Variants in MCC observed in about 807,000 individuals in gnomAD.
MCC encodes MCC regulator of Wnt signaling pathway.
In MCC, 90 loss-of-function variants were observed where a neutral mutation model predicts 116.2. The observed-to-expected ratio is 0.77, with a 90% CI of 0.65 to 0.92. The LOEUF (loss-of-function observed/expected upper bound fraction) is 0.92, where lower values mean the gene tolerates loss of function less well. MCC is among the 40% of genes least tolerant of loss of function. The pLI, the probability that MCC is intolerant of heterozygous loss-of-function variation, is 0.00. For synonymous variants in MCC, 578 were observed against 510.5 expected (o/e 1.13, Z -1.78); for missense variants, 1,516 against 1,312.2 (o/e 1.16, Z -2.40).
intron 6 of MCC, among the ~76,000 whole-genome samples, chr5:113,104,868 A>G (rs948104711): frequency 1.3e-5 from 2 of 152,222 alleles, no homozygotes; most frequent in Non-Finnish European, 2.9e-5. Context: ...AATATGCTCC[A>G]CTGTTGCAAT....
At chr5:113,474,547 T>C (rs1772184075) in intron 1 of MCC, among the ~76,000 whole-genome samples, 1 of 151,740 alleles carries the variant, frequency 6.6e-6, no homozygotes, top group Non-Finnish European at 1.5e-5. Context: ...CTAGAAGGAG[T>C]CTGAACTTAT....
rs140729403 is a variant in MCC at position 113,329,760 on chromosome 5, G to A, written c.627+10759C>T. ...ATCCATTATACTATCCAACTGCAAT[G>A]GAACTTCTCTCCTCCCTACCCCATC... On this transcript the variant is annotated intron_variant, in intron 3 of 18. Coordinates refer to ENST00000408903, the MANE Select transcript of MCC (RefSeq NM_001085377.2). 2.1e-3 allele frequency among the ~76,000 whole-genome samples: 315 copies of A among 152,168 alleles called. 2 individuals are homozygous for A. The highest frequency in any genetic ancestry group is 7.2e-3 in the African/African-American group (300 of 41,506).
intron 5 of MCC, among the ~76,000 whole-genome samples, chr5:113,124,743 G>A (rs1227867408): frequency 1.3e-5 from 2 of 152,194 alleles, no homozygotes; most frequent in Non-Finnish European, 2.9e-5. Flanking sequence ...TTAAGCAGTA[G>A]GTTTTCTGTG....
At chr5:113,330,688 G>A (rs1767677753) in intron 3 of MCC, among the ~76,000 whole-genome samples, 1 of 152,160 alleles carries the variant, frequency 6.6e-6, no homozygotes, top group East Asian at 1.9e-4. Context: ...AAAAGGAAAG[G>A]CAAAGAAATG....
At chr5:113,433,475 G>A (rs1032918057) in intron 1 of MCC, 9 of 615,100 alleles carry the variant, frequency 1.5e-5, no homozygotes, top group Non-Finnish European at 2.6e-5. Flanking sequence ...GACAGGCTCT[G>A]TGTCCAGCAC....
At chr5:113,059,147 A>AG (rs5870529) in intron 14 of MCC, among the ~76,000 whole-genome samples, 13 of 140,394 alleles carry the variant, frequency 9.3e-5, no homozygotes, top group African/African-American at 2.0e-4. Context: ...GAAGGAAATA[A>AG]AAAAAAAAAA....
intron 11 of MCC, among the ~76,000 whole-genome samples, chr5:113,072,596 T>C (rs1754115132): frequency 6.6e-6 from 1 of 152,116 alleles, no homozygotes; most frequent in Non-Finnish European, 1.5e-5. Flanking sequence ...CCATGGTGGG[T>C]CTCTGCTGGT....
At chr5:113,112,875 A>C (rs2150262933) in intron 6 of MCC, among the ~76,000 whole-genome samples, 1 of 152,372 alleles carries the variant, frequency 6.6e-6, no homozygotes, top group Middle Eastern at 3.4e-3. Context: ...TTGTTAATCC[A>C]GTGTCAAATT....
Position 113,434,805 on chromosome 5 carries a change from T to A in MCC, c.171-49593A>T, listed in dbSNP as rs768799103. On this transcript the variant is annotated intron_variant, in intron 1 of 18. Transcript: ENST00000408903. The surrounding 1 kb of genome is among the most constrained non-coding windows in gnomAD (Gnocchi z 4.2). ...CTCTCCTAAATTTATCCCCAGGAGG[T>A]AGCCTCGTCGCTTGAGGACAGCAGC... is the stretch of plus-strand genomic sequence containing the variant. 6.2e-7 allele frequency: 1 copy of A among 1,612,564 alleles called. No individual in the cohort carries two copies. Among genetic ancestry groups the A allele is most frequent in the Admixed American group, 1.7e-5 (1 of 59,996 alleles).
At position 113,254,587 on chromosome 5, in the gene MCC, A is replaced by G. The variant is rs1305645603; in HGVS notation, c.627+85932T>C. ...TCACAGCCCATACGTAAAGCAAACA[A>G]AAGTATGCCATGATCCTAAGCCACT... On this transcript the variant is annotated intron_variant, in intron 3 of 18. Coordinates refer to ENST00000408903, the MANE Select transcript of MCC (RefSeq NM_001085377.2). Among the ~76,000 whole-genome samples the G allele has an allele frequency of 2.0e-5, 3 of 152,242 alleles. No homozygotes were observed. The South Asian group carries it at 6.2e-4, about 32-fold the overall frequency.
intron 1 of MCC, among the ~76,000 whole-genome samples, chr5:113,464,721 C>T (rs1219819900): frequency 1.3e-5 from 2 of 151,360 alleles, no homozygotes; most frequent in South Asian, 4.2e-4. Flanking sequence ...ATAGTATGCA[C>T]TCAATAAATG....
intron 16 of MCC, among the ~76,000 whole-genome samples, chr5:113,048,177 G>T (rs1318255445): frequency 6.6e-6 from 1 of 152,216 alleles, no homozygotes; most frequent in Non-Finnish European, 1.5e-5. Context: ...ACTTAAGGGC[G>T]ATAATAAATG....
At chr5:113,296,661 A>C (rs1030612402) in intron 3 of MCC, among the ~76,000 whole-genome samples, 3 of 152,136 alleles carry the variant, frequency 2.0e-5, no homozygotes, top group Non-Finnish European at 2.9e-5. Context: ...GACAGTGAAC[A>C]GTTTTAAGTG....
At chr5:113,486,119 C>T (rs920110202) in intron 1 of MCC, among the ~76,000 whole-genome samples, 1 of 152,190 alleles carries the variant, frequency 6.6e-6, no homozygotes, top group Non-Finnish European at 1.5e-5. Context: ...AACACACTTC[C>T]AGACAAGTTC....
intron 7 of MCC, among the ~76,000 whole-genome samples, chr5:113,103,140 G>C (rs72803246): frequency 0.22 from 33,650 of 151,666 alleles, 4,802 homozygotes; most frequent in Middle Eastern, 0.35. Flanking sequence ...ATAATAAAAA[G>C]AATAAAGAAA....
intron 1 of MCC, among the ~76,000 whole-genome samples, chr5:113,469,609 G>A (rs959362842): frequency 1.9e-4 from 29 of 152,192 alleles, no homozygotes; most frequent in South Asian, 6.2e-4. Flanking sequence ...CCAACTATGT[G>A]GTCAATTTTG....
intron 1 of MCC, chr5:113,433,949 CA>C (rs1306547077): frequency 1.2e-6 from 2 of 1,613,994 alleles, no homozygotes; most frequent in Non-Finnish European, 1.7e-6. Context: ...CGGGGGTCCA[CA>C]AGGGTTCAGT....
intron 3 of MCC, among the ~76,000 whole-genome samples, chr5:113,155,918 T>A (rs1760144828): frequency 6.6e-6 from 1 of 152,210 alleles, no homozygotes; most frequent in Admixed American, 6.5e-5. Flanking sequence ...TGTGACAAAG[T>A]TCTGGCCAGT....
intron 3 of MCC, among the ~76,000 whole-genome samples, chr5:113,286,978 A>T (rs1377312780): frequency 6.6e-6 from 1 of 152,178 alleles, no homozygotes; most frequent in East Asian, 1.9e-4. Flanking sequence ...TACTCTATAA[A>T]TTGAACTTCT....
Sources: gnomAD v4.1 joint callset for allele counts (sites outside exome capture counted in the v4.1 genomes callset) on GRCh38, gnomAD v4.1.1 for gene constraint, Gnocchi (gnomAD v3.1) non-coding constraint, MANE v1.5 for transcripts, NCBI Gene and HGNC (gene_info 2026-07-23, HGNC 2026-07-21) for gene names.